KIAA1549L: variants seen among roughly 807,000 people sequenced by gnomAD.
The protein encoded by KIAA1549L is UPF0606 protein KIAA1549L.
A neutral mutation model predicts 160.7 loss-of-function variants in KIAA1549L; 88 were observed. The observed-to-expected ratio is 0.55, with a 90% CI of 0.46 to 0.65. KIAA1549L has a LOEUF of 0.65. KIAA1549L is among the 30% of genes least tolerant of loss of function. The probability of loss-of-function intolerance (pLI) is 0.00; values close to 1 mark genes in which losing one functional copy is unlikely to be tolerated. For synonymous variants in KIAA1549L, 950 were observed against 976.7 expected (o/e 0.97, Z 0.51); for missense variants, 2,258 against 2,437.5 (o/e 0.93, Z 1.55).
At chr11:33,557,438 ACCTTG>A (rs1854687458) in intron 6 of KIAA1549L, among the ~76,000 whole-genome samples, 1 of 151,954 alleles carries the variant, frequency 6.6e-6, no homozygotes, top group Admixed American at 6.6e-5. Flanking sequence ...TCTTTTTGGT[ACCTTG>A]GGAAAGAATA....
intron 1 of KIAA1549L, among the ~76,000 whole-genome samples, chr11:33,401,548 G>A (rs1370505181): frequency 6.6e-6 from 1 of 151,376 alleles, no homozygotes; most frequent in Non-Finnish European, 1.5e-5. Context: ...AAATGTGGGT[G>A]TGCTGTCAGG....
At chr11:33,529,007 T>TA (rs913276029) in intron 1 of KIAA1549L, among the ~76,000 whole-genome samples, 1 of 152,136 alleles carries the variant, frequency 6.6e-6, no homozygotes, top group Non-Finnish European at 1.5e-5. Flanking sequence ...ACTATTTTTT[T>TA]AAAAAAGAAA....
At chr11:33,409,285 A>G (rs35610238) in intron 1 of KIAA1549L, among the ~76,000 whole-genome samples, 45,861 of 152,090 alleles carry the variant, frequency 0.3, 8,377 homozygotes, top group Non-Finnish European at 0.4. Flanking sequence ...TGGCTTCACA[A>G]AATTCTTCAT....
chr11:33,606,836 G>T lies in KIAA1549L; in HGVS notation c.5061+14G>T. 1.9e-6 allele frequency: 3 copies of T among 1,586,192 alleles called. No homozygotes were observed. Among genetic ancestry groups the T allele is most frequent in the Non-Finnish European group, 2.6e-6 (3 of 1,165,032 alleles). The stretch of plus-strand genomic sequence containing the variant: ...CTCAACGGCGAGGTAAGTGCCTGGA[G>T]ACCCAGGGCAGGAGATGGTCCGGCC... On this transcript the variant is annotated intron_variant, in intron 14 of 20. Coordinates refer to ENST00000658780, the MANE Select transcript of KIAA1549L (RefSeq NM_012194.3).
chr11:33,449,220 A>G (rs1851673835), intron 1 of KIAA1549L, among the ~76,000 whole-genome samples: 1 of 152,112 alleles, frequency 6.6e-6, no homozygotes, highest in Non-Finnish European at 1.5e-5. Flanking sequence ...CTTTTTGGAA[A>G]ATTTGCTCTT....
chr11:33,651,150 A>C (rs1167301654), intron 17 of KIAA1549L, among the ~76,000 whole-genome samples: 1 of 152,218 alleles, frequency 6.6e-6, no homozygotes, highest in African/African-American at 2.4e-5. Flanking sequence ...TTAGATATTC[A>C]AAATCCTAGG....
intron 15 of KIAA1549L, 51 bp downstream of exon 15, chr11:33,610,017 A>C: frequency 7.0e-7 from 1 of 1,421,034 alleles, no homozygotes; most frequent in African/African-American, 1.4e-5. Context: ...TGGTGGGATA[A>C]GGGCAGGCCT....
Position 33,658,813 on chromosome 11 carries a change from G to A in KIAA1549L, c.5922G>A (p.Gln1974=), listed in dbSNP as rs1219614270. The change falls in exon 19 of 21, where the codon CAG becomes CAA. Residue 1974 remains glutamine, a synonymous_variant. Coordinates refer to ENST00000658780, the MANE Select transcript of KIAA1549L (RefSeq NM_012194.3). ...MAESTGPEPA[Q]LHDSASFTQM... ...AGTCTACAGGGCCCGAGCCGGCCCA[G>A]CTGCACGACAGCGCCTCCTTCACGC... The A allele has an allele frequency of 6.4e-7, 1 of 1,567,954 alleles. No homozygotes were observed. The highest frequency in any genetic ancestry group is 2.4e-5 in the East Asian group (1 of 41,544).
intron 1 of KIAA1549L, among the ~76,000 whole-genome samples, chr11:33,390,264 G>T (rs571977368): frequency 1.3e-5 from 2 of 152,296 alleles, no homozygotes; most frequent in East Asian, 1.9e-4. Context: ...TGCCCTCCAG[G>T]ATATTAAGAG....
In KIAA1549L at chr11:33,670,641, C is replaced by CCTTCCCTGAAGAAT. The variant is rs1186515112; in HGVS notation, c.*2490_*2503dup. 5.9e-5 allele frequency: 9 copies of CCTTCCCTGAAGAAT among 152,180 alleles called. No homozygotes were observed. The highest frequency in any genetic ancestry group is 5.2e-4 in the Admixed American group (8 of 15,278). 9.4% of individuals were successfully genotyped at this position (152,180 alleles called of 1,614,324 possible). On this transcript the variant is annotated 3_prime_UTR_variant, in exon 21 of 21. Coordinates refer to ENST00000658780, the MANE Select transcript of KIAA1549L (RefSeq NM_012194.3). ...GATTTTCTGTGAGTGAGATGTGGTC[C>CCTTCCCTGAAGAAT]CTTCCCTGAAGAATCTCCTAACCTC...
intron 1 of KIAA1549L, among the ~76,000 whole-genome samples, chr11:33,395,171 C>T (rs545817462): frequency 6.6e-6 from 1 of 152,342 alleles, no homozygotes; most frequent in East Asian, 1.9e-4. Flanking sequence ...ACTATAATGT[C>T]AACTCTAGCA....
intron 14 of KIAA1549L, among the ~76,000 whole-genome samples, chr11:33,607,378 A>G (rs1850534451): frequency 6.6e-6 from 1 of 152,234 alleles, no homozygotes; most frequent in Non-Finnish European, 1.5e-5. Flanking sequence ...TCTGAAAAAA[A>G]AAATTGTAAC....
intron 1 of KIAA1549L, among the ~76,000 whole-genome samples, chr11:33,531,393 T>G (rs1853767678): frequency 1.3e-5 from 2 of 152,104 alleles, no homozygotes; most frequent in Non-Finnish European, 2.9e-5. Flanking sequence ...GAGAATTGCT[T>G]GAACATGGGA....
intron 16 of KIAA1549L, among the ~76,000 whole-genome samples, chr11:33,618,896 A>G (rs981397585): frequency 1.3e-5 from 2 of 152,246 alleles, no homozygotes; most frequent in African/African-American, 4.8e-5. Flanking sequence ...TGTTATGAAT[A>G]GCACATTACG....
intron 15 of KIAA1549L, among the ~76,000 whole-genome samples, chr11:33,614,580 A>G (rs1490841199): frequency 1.3e-4 from 1 of 7,694 alleles, no homozygotes; most frequent in Non-Finnish European, 1.9e-4. Context: ...ATATATATAT[A>G]TATATTTTTT....
chr11:33,435,788 A>G (rs376245612), intron 1 of KIAA1549L, among the ~76,000 whole-genome samples: 11,318 of 26,486 alleles, frequency 0.43, 2,077 homozygotes, highest in African/African-American at 0.51. Flanking sequence ...ATATATATAT[A>G]TATATATATA....
rs756314824 is a variant in KIAA1549L, at chr11:33,545,034, G to T, written c.3041G>T (p.Arg1014Ile). The change falls in exon 3 of 21, where the codon AGA (arginine) becomes ATA (isoleucine). Residue 1014 changes from arginine to isoleucine, a missense_variant. Physicochemically the swap from Arg to Ile is moderately conservative, Grantham distance 97. This residue lies in a region of KIAA1549L where 1,359 missense variants were observed against 1,546.6 expected (regional missense o/e 0.88). Transcript: ENST00000658780. ...FPFTPTYMYA[R>I]TGHTTSTHTA... ...TTCACACCAACCTACATGTATGCAA[G>T]AACAGGACATACCACGAGCACACAT... 8.7e-6 allele frequency: 14 copies of T among 1,613,884 alleles called. No individual in the cohort carries two copies. Among genetic ancestry groups the T allele is most frequent in the Non-Finnish European group, 1.1e-5 (13 of 1,179,898 alleles).
chr11:33,643,597 C>A (rs969494750), intron 16 of KIAA1549L, among the ~76,000 whole-genome samples: 1 of 152,132 alleles, frequency 6.6e-6, no homozygotes, highest in Admixed American at 6.6e-5. Context: ...GGAGGAAGGG[C>A]CTTGTGTGGC....
intron 1 of KIAA1549L, among the ~76,000 whole-genome samples, chr11:33,419,322 A>G (rs1488869489): frequency 6.6e-6 from 1 of 152,216 alleles, no homozygotes; most frequent in East Asian, 1.9e-4. Context: ...TCTAATTATA[A>G]TGATACCTTG....
Sources: gnomAD v4.1 joint callset for allele counts (sites outside exome capture counted in the v4.1 genomes callset) on GRCh38, gnomAD v4.1.1 for gene constraint, gnomAD v4.1.1 regional missense constraint, MANE v1.5 for transcripts, NCBI Gene and HGNC (gene_info 2026-07-23, HGNC 2026-07-21) for gene names.